The following DNA2 variants were observed in gnomAD, a reference collection of about 807,000 sequenced individuals.
The protein encoded by DNA2 is DNA replication helicase/nuclease 2.
A neutral mutation model predicts 119.1 loss-of-function variants in DNA2; 101 were observed. The observed-to-expected ratio is 0.85, with a 90% CI of 0.72 to 1.00. The LOEUF is 1.00. Among genes scored for constraint, DNA2 ranks in the 50% least tolerant of loss-of-function variants. The probability of loss-of-function intolerance (pLI) is 0.00; values close to 1 mark genes in which losing one functional copy is unlikely to be tolerated. For missense variants in DNA2, 1,121 were observed against 1,255.5 expected (o/e 0.89, Z 1.62); for synonymous variants, 366 against 424.4 (o/e 0.86, Z 1.69).
intron 10 of DNA2, 82 bp from the exon 11 acceptor site, chr10:68,432,592 A>G (rs963583954): frequency 6.2e-6 from 5 of 811,078 alleles, no homozygotes; most frequent in Non-Finnish European, 1.0e-5. Context: ...CTGCTAAAAG[A>G]ATGAATGGGC....
upstream of DNA2, chr10:68,472,045 G>A (rs372027941): frequency 2.1e-4 from 340 of 1,602,976 alleles, 1 homozygote; most frequent in Non-Finnish European, 2.5e-4. Context: ...TCCACGTGGG[G>A]CCCCTCACCT....
Position 68,470,121 on chromosome 10 carries a change from C to G in DNA2, c.117G>C (p.Leu39=), listed in dbSNP as rs2052368788. The change falls in exon 2 of 21, where the codon CTG becomes CTC. Residue 39 remains leucine, a synonymous_variant. Transcript: ENST00000358410. The stretch of plus-strand genomic sequence containing the variant: ...GGTACCGGTTATCCATTCCTGTGCT[C>G]AGAACTGTTCTTGGAAAGGAAGCTA... ...KVVASFPRTV[L]STGMDNRYLV... 8 of 1,606,534 alleles carry G rather than the reference C, an allele frequency of 5.0e-6. 1 individual carries two copies. The South Asian group carries it at 9.0e-5, about 18-fold the overall frequency.
chr10:68,442,242 A>G (rs558664692), intron 9 of DNA2, among the ~76,000 whole-genome samples: 1 of 149,820 alleles, frequency 6.7e-6, no homozygotes, highest in African/African-American at 2.5e-5. Flanking sequence ...TTTTTGAGAC[A>G]GAGTCTCGCT....
At chr10:68,416,953 A>T (rs77141214) in intron 19 of DNA2, 98 bp from the exon 20 acceptor site, 1 of 1,092,548 alleles carries the variant, frequency 9.2e-7, no homozygotes, top group Non-Finnish European at 1.3e-6. Flanking sequence ...AAATTTAAGA[A>T]TAGAATGAGG....
intron 9 of DNA2, among the ~76,000 whole-genome samples, chr10:68,442,183 G>A (rs948966559): frequency 1.6e-4 from 24 of 151,660 alleles, no homozygotes; most frequent in Non-Finnish European, 3.2e-4. Flanking sequence ...CCAAAGTGCT[G>A]GGATTACAGG....
At chr10:68,451,290 A>G (rs1158564707) in intron 5 of DNA2, among the ~76,000 whole-genome samples, 1 of 152,044 alleles carries the variant, frequency 6.6e-6, no homozygotes, top group African/African-American at 2.4e-5. Flanking sequence ...ATCAATATTT[A>G]AAGTAAGTAC....
intron 4 of DNA2, among the ~76,000 whole-genome samples, chr10:68,459,998 G>A (rs993176333): frequency 6.6e-6 from 1 of 150,618 alleles, no homozygotes; most frequent in Non-Finnish European, 1.5e-5. Context: ...GTGCACTCCA[G>A]CCTGGGCAAG....
intron 14 of DNA2, chr10:68,424,745 CAAA>C (rs2051714367): frequency 1.3e-6 from 2 of 1,516,114 alleles, no homozygotes; most frequent in Non-Finnish European, 1.8e-6. Context: ...AAGGACACTA[CAAA>C]GGTCAGCAAA....
chr10:68,421,481 A>G (rs2051664040), intron 17 of DNA2, among the ~76,000 whole-genome samples: 1 of 152,052 alleles, frequency 6.6e-6, no homozygotes, highest in South Asian at 2.1e-4. Context: ...TGGGCCGGGC[A>G]CAGTGGCTCA....
At chr10:68,439,906 G>A (rs1028171687) in intron 9 of DNA2, among the ~76,000 whole-genome samples, 6 of 152,026 alleles carry the variant, frequency 3.9e-5, no homozygotes, top group African/African-American at 1.4e-4. Flanking sequence ...TCAGGAGGCT[G>A]AGGCAGGAGA....
In DNA2 at chr10:68,450,152, A is replaced by C; in HGVS notation, c.815T>G (p.Leu272Trp). 1 of 1,608,248 alleles carries C rather than the reference A, an allele frequency of 6.2e-7. No homozygotes were observed. The highest frequency in any genetic ancestry group is 2.2e-5 in the East Asian group (1 of 44,812). ...EESIWSPRFG[L>W]KGKIDVTVGV... ...AACTGTAACATCTATTTTGCCTTTC[A>C]ATCCAAACCTAGGGGACCAAATGCT... is the stretch of plus-strand genomic sequence containing the variant. The change falls in exon 6 of 21, where the codon TTG (leucine) becomes TGG (tryptophan). Residue 272 changes from leucine (L) to tryptophan (W), a missense_variant. Physicochemically the swap from Leu to Trp is moderately conservative, Grantham distance 61. Transcript: ENST00000358410.
chr10:68,428,927 C>T (rs2051779141), intron 14 of DNA2, among the ~76,000 whole-genome samples: 1 of 152,108 alleles, frequency 6.6e-6, no homozygotes, highest in South Asian at 2.1e-4. Flanking sequence ...GTACTACAGA[C>T]TTGCAAGATG....
intron 9 of DNA2, among the ~76,000 whole-genome samples, chr10:68,437,867 C>G (rs116335964): frequency 0.025 from 3,819 of 151,986 alleles, 155 homozygotes; most frequent in African/African-American, 0.087. Context: ...TACACCACCA[C>G]GACAAGCTAA....
At chr10:68,472,032 C>T, upstream of DNA2, 3 of 1,606,394 alleles carry the variant, frequency 1.9e-6, no homozygotes, top group Non-Finnish European at 2.6e-6. Context: ...CGCGCCGGCG[C>T]GTTCCACGTG....
At chr10:68,430,703 T>A in intron 13 of DNA2, 43 bp from the exon 14 acceptor site, 1 of 1,318,800 alleles carries the variant, frequency 7.6e-7, no homozygotes, top group Non-Finnish European at 1.0e-6. Context: ...GCCTTACTTT[T>A]AATTCCAGAT....
At chr10:68,439,655 T>C (rs777812550) in intron 9 of DNA2, among the ~76,000 whole-genome samples, 1 of 151,694 alleles carries the variant, frequency 6.6e-6, no homozygotes, top group Non-Finnish European at 1.5e-5. Context: ...CTGACCAACA[T>C]GGAGAAACCC....
At chr10:68,426,410 T>G (rs1040046719) in intron 14 of DNA2, among the ~76,000 whole-genome samples, 1 of 151,992 alleles carries the variant, frequency 6.6e-6, no homozygotes, top group African/African-American at 2.4e-5. Context: ...TGGTGGCTCA[T>G]GCCTGTAGTC....
chr10:68,453,178 G>T (rs1378351602), intron 5 of DNA2, among the ~76,000 whole-genome samples: 1 of 152,106 alleles, frequency 6.6e-6, no homozygotes, highest in Non-Finnish European at 1.5e-5. Context: ...TGGGATTACA[G>T]GCGTGAGCCA....
intron 17 of DNA2, 125 bp downstream of exon 17, chr10:68,422,100 A>C (rs1348507318): frequency 1.5e-5 from 11 of 752,438 alleles, no homozygotes; most frequent in Non-Finnish European, 2.3e-5. Flanking sequence ...GGTGTGAGCC[A>C]CCACGCCCAG....
Sources: gnomAD v4.1 joint callset for allele counts (sites outside exome capture counted in the v4.1 genomes callset) on GRCh38, gnomAD v4.1.1 for gene constraint, MANE v1.5 for transcripts, NCBI Gene and HGNC (gene_info 2026-07-23, HGNC 2026-07-21) for gene names.